CFAP52: variants seen among roughly 807,000 people sequenced by gnomAD.
The protein encoded by CFAP52 is cilia- and flagella-associated protein 52.
CFAP52 carries 57 observed loss-of-function variants against 70.5 expected under a neutral mutation model. That is an observed-to-expected ratio of 0.81 (90% confidence interval 0.65 to 1.01). The LOEUF (loss-of-function observed/expected upper bound fraction) is 1.01, where lower values mean the gene tolerates loss of function less well. CFAP52 is among the 50% of genes least tolerant of loss of function. The pLI is 0.00. For synonymous variants in CFAP52, 267 were observed against 292.5 expected (o/e 0.91, Z 0.89); for missense variants, 785 against 788.5 (o/e 1.00, Z 0.05).
intron 12 of CFAP52, among the ~76,000 whole-genome samples, chr17:9,640,410 G>A (rs1199825347): frequency 9.1e-5 from 4 of 43,728 alleles, no homozygotes; most frequent in Non-Finnish European, 1.9e-4. Context: ...ACCACCCCCC[G>A]ACAGGTGCCC....
chr17:9,580,203 C>T (rs868306563), intron 1 of CFAP52, among the ~76,000 whole-genome samples: 4 of 151,916 alleles, frequency 2.6e-5, no homozygotes, highest in African/African-American at 9.7e-5. Context: ...TGTAGCTATG[C>T]CCATTTGTTT....
Position 9,632,896 on chromosome 17 carries a change from G to A in CFAP52, c.1183G>A (p.Asp395Asn), listed in dbSNP as rs1175448122. ...TTTCCCTTTCATGCCAGCATGGAAC[G>A]ACGGTAAAATCCGAGCCTTCGCCCC... ...DGKSIISAWN[D>N]GKIRAFAPET... The change falls in exon 10 of 14, where the codon GAC becomes AAC. Residue 395 changes from aspartate (D) to asparagine (N), a missense_variant. Physicochemically the swap from Asp to Asn is conservative, Grantham distance 23. Transcript: ENST00000352665. 3.7e-6 allele frequency: 6 copies of A among 1,614,024 alleles called. No homozygotes were observed. Among genetic ancestry groups the A allele is most frequent in the African/African-American group, 1.3e-5 (1 of 75,052 alleles).
intron 7 of CFAP52, among the ~76,000 whole-genome samples, chr17:9,608,639 A>T (rs148248120): frequency 6.6e-6 from 1 of 152,342 alleles, no homozygotes; most frequent in East Asian, 1.9e-4. Context: ...CATGCATTTG[A>T]ATACAATTTA....
intron 4 of CFAP52, among the ~76,000 whole-genome samples, chr17:9,596,049 A>ATGTGTGTGTG (rs1445578110): frequency 1.8e-4 from 7 of 39,310 alleles, no homozygotes; most frequent in South Asian, 6.8e-4. Flanking sequence ...ATGTAGATAT[A>ATGTGTGTGTG]TATGTGTGTG....
chr17:9,642,838 C>T (rs1450713906), intron 13 of CFAP52, among the ~76,000 whole-genome samples, 185 bp from the exon 14 acceptor site: 1 of 152,068 alleles, frequency 6.6e-6, no homozygotes, highest in Non-Finnish European at 1.5e-5. Flanking sequence ...TGTGATTTTA[C>T]CTCTTTGTAT....
Position 9,594,333 on chromosome 17 carries a change from C to A in CFAP52, c.536+12C>A. On this transcript the variant is annotated intron_variant, in intron 4 of 13. Coordinates refer to ENST00000352665, the MANE Select transcript of CFAP52 (RefSeq NM_145054.5). ...ATGACTGCTGGAAAGTATGTGTCTG[C>A]GTTCGGAGTTTTCAGAACTCATAAA... 1 of 1,606,714 alleles carries A rather than the reference C, an allele frequency of 6.2e-7. No individual in the cohort carries two copies. Among genetic ancestry groups the A allele is most frequent in the Non-Finnish European group, 8.5e-7 (1 of 1,176,738 alleles).
chr17:9,645,201 T>A (rs1911272377), downstream of CFAP52: 1 of 152,932 alleles, frequency 6.5e-6, no homozygotes, highest in Non-Finnish European at 1.5e-5. The surrounding 1 kb of genome is among the most constrained non-coding windows in gnomAD (Gnocchi z 6.8). Context: ...GATGCCTGCC[T>A]TGCCCTTTTC....
chr17:9,641,131 A>C (rs536866577), intron 12 of CFAP52, among the ~76,000 whole-genome samples: 1 of 152,326 alleles, frequency 6.6e-6, no homozygotes, highest in African/African-American at 2.4e-5. Context: ...TCCTTTAGGC[A>C]CCTGTCTCTC....
At chr17:9,637,955 C>G (rs572616338) in intron 11 of CFAP52, among the ~76,000 whole-genome samples, 2 of 152,210 alleles carry the variant, frequency 1.3e-5, no homozygotes, top group South Asian at 4.1e-4. Flanking sequence ...TTGGGGGCAC[C>G]CTGGGCAGGG....
rs56289163 is a variant in CFAP52 at position 9,602,595 on chromosome 17, A to G, written c.753+2412A>G. Among the ~76,000 whole-genome samples, 422 of 152,244 alleles carry G rather than the reference A, an allele frequency of 2.8e-3. 4 individuals are homozygous for G. The highest frequency in any genetic ancestry group is 9.2e-3 in the African/African-American group (382 of 41,550). On this transcript the variant is annotated intron_variant, in intron 6 of 13. Transcript: ENST00000352665. Reference sequence around the variant, plus strand: ...AGTGCCACAATAAACATACATGTGCATGTAGAATGATTTATAATCCTTTGA... The same window carrying G: ...AGTGCCACAATAAACATACATGTGCGTGTAGAATGATTTATAATCCTTTGA...
In CFAP52 at chr17:9,584,594, C is replaced by A. The variant is rs541537061; in HGVS notation, c.71-1179C>A. Among the ~76,000 whole-genome samples, 7 of 47,450 alleles carry A rather than the reference C, an allele frequency of 1.5e-4. No individual in the cohort carries two copies. In the South Asian group the frequency reaches 5.1e-3, roughly 34 times the overall value. 31.1% of individuals were successfully genotyped at this position (47,450 alleles called of 152,430 possible). A position where few individuals can be genotyped will look rare whatever the true frequency, so the allele number is the denominator to read the frequency against. On this transcript the variant is annotated intron_variant, in intron 1 of 13. Coordinates refer to ENST00000352665, the MANE Select transcript of CFAP52 (RefSeq NM_145054.5). Reference sequence around the variant, plus strand: ...AAACACTTAAGATCAACTCTTTTAGCAGATTAATGCAGTATTTTTTTTTTA... The same window carrying A: ...AAACACTTAAGATCAACTCTTTTAGAAGATTAATGCAGTATTTTTTTTTTA...
chr17:9,645,392 G>GGGGGCGGCACCAGGCAGGGGTA (rs1178047885), downstream of CFAP52: 1 of 270,454 alleles, frequency 3.7e-6, no homozygotes, highest in Non-Finnish European at 6.8e-6. The surrounding 1 kb of genome is among the most constrained non-coding windows in gnomAD (Gnocchi z 6.8). Flanking sequence ...TCAGCGCAGC[G>GGGGGCGGCACCAGGCAGGGGTA]GGGGCGGCAC....
chr17:9,591,869 C>A (rs946930274), intron 3 of CFAP52, among the ~76,000 whole-genome samples: 7 of 151,916 alleles, frequency 4.6e-5, no homozygotes, highest in African/African-American at 1.2e-4. Flanking sequence ...CAGAGAGAGA[C>A]CTTGTCTCAA....
intron 8 of CFAP52, among the ~76,000 whole-genome samples, chr17:9,615,123 T>C (rs1285277395): frequency 6.6e-6 from 1 of 152,196 alleles, no homozygotes; most frequent in Non-Finnish European, 1.5e-5. Flanking sequence ...AGGAAGAACA[T>C]AGAATAAATG....
rs34888799 is a variant in CFAP52, at chr17:9,591,030, C to CTTTT, written c.408-3142_408-3139dup. Among the ~76,000 whole-genome samples the CTTTT allele has an allele frequency of 5.5e-3, 418 of 76,688 alleles. 4 individuals carry two copies. Among genetic ancestry groups the CTTTT allele is most frequent in the Non-Finnish European group, 6.3e-3 (285 of 45,206 alleles). 50.3% of individuals were successfully genotyped at this position (76,688 alleles called of 152,430 possible). ...TGGACATCCTATAGTTTGCATGCAT[C>CTTTT]TTTTTTTTTTTTTTTTTTTTTTTTG... On this transcript the variant is annotated intron_variant, in intron 3 of 13. Transcript: ENST00000352665.
Position 9,643,288 on chromosome 17 carries a change from A to C in CFAP52, c.*90A>C. 8.4e-6 allele frequency: 10 copies of C among 1,187,908 alleles called. No individual in the cohort carries two copies. The highest frequency in any genetic ancestry group is 3.1e-5 in the South Asian group (1 of 32,052). 73.6% of individuals were successfully genotyped at this position (1,187,908 alleles called of 1,614,324 possible). A position where few individuals can be genotyped will look rare whatever the true frequency, so the allele number is the denominator to read the frequency against. ...ACTCCAACACTAGTCTTCATTTCTC[A>C]CAGCTCTGTTTTTGTTCTTGAGTCA... On this transcript the variant is annotated 3_prime_UTR_variant, in exon 14 of 14. Transcript: ENST00000352665.
intron 10 of CFAP52, among the ~76,000 whole-genome samples, chr17:9,634,802 C>T (rs2151951379): frequency 6.6e-6 from 1 of 152,246 alleles, no homozygotes; most frequent in East Asian, 1.9e-4. Flanking sequence ...AACAACTTCC[C>T]TTTTATCTAT....
chr17:9,576,689 C>T lies in CFAP52; in HGVS notation c.-7C>T. ...GAGGAGAGCAAAGTAATCAGAACCT[C>T]CCAAGGATGGATAACAAAATTTCGC... On this transcript the variant is annotated 5_prime_UTR_variant, in exon 1 of 14. Transcript: ENST00000352665. 6.2e-7 allele frequency: 1 copy of T among 1,611,558 alleles called. No individual in the cohort carries two copies. Among genetic ancestry groups the T allele is most frequent in the Non-Finnish European group, 8.5e-7 (1 of 1,178,808 alleles).
At chr17:9,591,466 G>A (rs1055370373) in intron 3 of CFAP52, among the ~76,000 whole-genome samples, 9 of 152,118 alleles carry the variant, frequency 5.9e-5, no homozygotes, top group Admixed American at 5.2e-4. Context: ...GTCCACACAC[G>A]TAGATATAGA....
Sources: allele counts gnomAD v4.1 joint callset (sites outside exome capture counted in the v4.1 genomes callset), GRCh38; gene constraint gnomAD v4.1.1; non-coding constraint Gnocchi (gnomAD v3.1); transcripts MANE v1.5; gene names NCBI Gene and HGNC (gene_info 2026-07-23, HGNC 2026-07-21).